The following COL6A6 variants were observed in gnomAD, a reference collection of about 807,000 sequenced individuals.
COL6A6 encodes the protein collagen type VI alpha 6 chain.
In COL6A6, 183 loss-of-function variants were observed where a neutral mutation model predicts 208.6. The observed-to-expected ratio is 0.88, with a 90% CI of 0.78 to 0.99. The LOEUF (loss-of-function observed/expected upper bound fraction) is 0.99. Among genes scored for constraint, COL6A6 ranks in the 50% least tolerant of loss-of-function variants. COL6A6 has a pLI of 0.00. For synonymous variants in COL6A6, 973 were observed against 1,011.8 expected, an observed-to-expected ratio of 0.96 and a Z score of 0.73; for missense variants, 2,816 against 2,815.2, an observed-to-expected ratio of 1.00 and a Z score of -0.01.
intron 1 of COL6A6, among the ~76,000 whole-genome samples, chr3:130,519,455 A>C (rs1710938940): frequency 6.6e-6 from 1 of 152,236 alleles, no homozygotes; most frequent in Non-Finnish European, 1.5e-5. Context: ...ATAAGTAGGA[A>C]GATTAGATTT....
At chr3:130,675,071 T>C (rs1350866538) in intron 36 of COL6A6, 131 bp from the exon 37 acceptor site, 2 of 596,882 alleles carry the variant, frequency 3.4e-6, no homozygotes, top group African/African-American at 3.7e-5. Context: ...AGTTTAATTT[T>C]AAAATTACCC....
rs765889688 is a variant in COL6A6, at chr3:130,574,453, C to T, written c.3475C>T (p.His1159Tyr). ...GACTGCAGAGAAAAAACTGACAGTGCACAACTTCGATGAACTGAAGAAGGT... is the reference window on the plus strand; with the variant it reads ...GACTGCAGAGAAAAAACTGACAGTGTACAACTTCGATGAACTGAAGAAGGT... ...TGTAEKKLTV[H>Y]NFDELKKVNK... Residue 1159 changes from histidine (H) to tyrosine (Y), a missense_variant, in exon 8 of 37, where the codon CAC becomes TAC. Transcript: ENST00000358511. 8 of 1,614,028 alleles carry T rather than the reference C, an allele frequency of 5.0e-6. No individual in the cohort carries two copies. The highest frequency in any genetic ancestry group is 5.9e-6 in the Non-Finnish European group (7 of 1,179,890).
intron 8 of COL6A6, among the ~76,000 whole-genome samples, chr3:130,579,396 G>T (rs951471802): frequency 6.6e-6 from 1 of 152,064 alleles, no homozygotes; most frequent in African/African-American, 2.4e-5. Context: ...GATAAGAGTT[G>T]CCAAAAGTAG....
intron 33 of COL6A6, among the ~76,000 whole-genome samples, chr3:130,651,244 G>A (rs1453915943): frequency 1.3e-5 from 2 of 151,968 alleles, no homozygotes; most frequent in East Asian, 1.9e-4. Flanking sequence ...TGGCCAACAT[G>A]GTGAAACCCC....
intron 32 of COL6A6, among the ~76,000 whole-genome samples, chr3:130,647,246 G>A (rs971662847): frequency 1.3e-5 from 2 of 152,040 alleles, no homozygotes; most frequent in African/African-American, 4.8e-5. Context: ...GGTTTTTAGG[G>A]CTTGTGTTTT....
At chr3:130,517,107 G>GCCGGGGCGGGGAAGGGTCGGGC (rs1235465401), upstream of COL6A6, among the ~76,000 whole-genome samples, 9 of 152,174 alleles carry the variant, frequency 5.9e-5, no homozygotes, top group Non-Finnish European at 1.2e-4. Flanking sequence ...GCCCGGGGCC[G>GCCGGGGCGGGGAAGGGTCGGGC]CCGGGGCGGG....
At chr3:130,574,571 T>C (rs186119975) in intron 8 of COL6A6, 46 bp downstream of exon 8, 320 of 1,478,032 alleles carry the variant, frequency 2.2e-4, no homozygotes, top group Non-Finnish European at 2.9e-4. Context: ...CACCATCTTC[T>C]CTGGCATTTT....
At chr3:130,592,864 T>G (rs1425608013) in intron 15 of COL6A6, 142 bp downstream of exon 15, 9 of 912,258 alleles carry the variant, frequency 9.9e-6, no homozygotes, top group Non-Finnish European at 1.5e-5. Context: ...ATTTTGTTTC[T>G]TCTTCTCTTT....
chr3:130,568,760 G>A (rs1466431250), intron 6 of COL6A6, among the ~76,000 whole-genome samples, 156 bp downstream of exon 6: 1 of 152,210 alleles, frequency 6.6e-6, no homozygotes, highest in Non-Finnish European at 1.5e-5. Flanking sequence ...TAAACAGACA[G>A]TGAGGAAGAG....
intron 28 of COL6A6, 55 bp from the exon 29 acceptor site, chr3:130,641,595 TAC>T (rs1271708308): frequency 3.5e-5 from 26 of 749,106 alleles, no homozygotes; most frequent in South Asian, 1.2e-4. Flanking sequence ...AATTTGAATT[TAC>T]ACACACACAT....
At chr3:130,579,463 C>T (rs575232883) in intron 8 of COL6A6, among the ~76,000 whole-genome samples, 2 of 152,242 alleles carry the variant, frequency 1.3e-5, no homozygotes, top group East Asian at 3.9e-4. Flanking sequence ...TCTGTCTTCC[C>T]ACTCACAGAC....
At position 130,599,794 on chromosome 3, in the gene COL6A6, G is replaced by T; in HGVS notation, c.4637G>T (p.Gly1546Val). ...RGWPGPPGTP[G>V]SRRKTAAHGR... ...TGGCCAGGCCCCCCCGGGACACCAG[G>T]CTCCAGAAGAAAGACAGTAAGAGCC... The change falls in exon 20 of 37, where the codon GGC becomes GTC. Residue 1546 changes from glycine to valine, a missense_variant. Physicochemically the swap from Gly to Val is moderately radical, Grantham distance 109 (BLOSUM62 -3). Coordinates refer to ENST00000358511, the MANE Select transcript of COL6A6 (RefSeq NM_001102608.3). 6.2e-7 allele frequency: 1 copy of T among 1,613,760 alleles called. No homozygotes were observed. Among genetic ancestry groups the T allele is most frequent in the African/African-American group, 1.3e-5 (1 of 75,032 alleles).
At chr3:130,561,178 A>G (rs1245171091) in intron 2 of COL6A6, among the ~76,000 whole-genome samples, 1 of 152,212 alleles carries the variant, frequency 6.6e-6, no homozygotes, top group African/African-American at 2.4e-5. Flanking sequence ...AGTCCGCCTT[A>G]TGTGCCACTC....
chr3:130,604,355 C>CT (rs1560055234), intron 20 of COL6A6, among the ~76,000 whole-genome samples: 1 of 152,004 alleles, frequency 6.6e-6, no homozygotes, highest in East Asian at 1.9e-4. Context: ...ATTAGCCGGG[C>CT]GTGGTGGCGG....
chr3:130,635,328 A>C (rs1475677656), intron 27 of COL6A6, among the ~76,000 whole-genome samples: 1 of 152,238 alleles, frequency 6.6e-6, no homozygotes, highest in African/African-American at 2.4e-5. Flanking sequence ...ATGTTTATAA[A>C]TCATCTTTAG....
At chr3:130,521,109 ACAT>A (rs1320657541) in intron 1 of COL6A6, among the ~76,000 whole-genome samples, 1 of 152,196 alleles carries the variant, frequency 6.6e-6, no homozygotes, top group East Asian at 1.9e-4. Flanking sequence ...AAGGATGTGA[ACAT>A]TGATTTGACT....
rs1334993360 is a variant in COL6A6, at chr3:130,563,243, C to T, written c.240C>T (p.His80=). The change falls in exon 3 of 37, where the codon CAC becomes CAT. Residue 80 remains histidine (H), a synonymous_variant. Coordinates refer to ENST00000358511, the MANE Select transcript of COL6A6 (RefSeq NM_001102608.3). ...GTGATAAACTTCACAGTGAATTCCA[C>T]CTGAGCACCTTCAAAGGCAGGAGCC... is the stretch of plus-strand genomic sequence containing the variant. The part of the protein sequence containing the change: ...QYSDKLHSEF[H]LSTFKGRSPM... 1 of 1,614,042 alleles carries T rather than the reference C, an allele frequency of 6.2e-7. No homozygotes were observed. The highest frequency in any genetic ancestry group is 1.1e-5 in the South Asian group (1 of 91,084).
intron 36 of COL6A6, among the ~76,000 whole-genome samples, chr3:130,672,647 A>G (rs1265989661): frequency 6.6e-6 from 1 of 151,692 alleles, no homozygotes; most frequent in Non-Finnish European, 1.5e-5. Flanking sequence ...CAAGTGATCC[A>G]ACTGCCTCAG....
chr3:130,565,537 C>T lies in COL6A6; in HGVS notation c.1205C>T (p.Thr402Ile), dbSNP rs774243865. Residue 402 changes from threonine to isoleucine, a missense_variant, in exon 4 of 37, where the codon ACA becomes ATA. Coordinates refer to ENST00000358511, the MANE Select transcript of COL6A6 (RefSeq NM_001102608.3). ...GCTGACCTGGCTGCTCACAACCAGA[C>T]ATTTCTGAAGAAGCTGCGGAACCAA... is the stretch of plus-strand genomic sequence containing the variant. Reference protein sequence around the residue: ...TFADLAAHNQTFLKKLRNQIT... With the variant: ...TFADLAAHNQIFLKKLRNQIT... 8 of 1,613,952 alleles carry T rather than the reference C, an allele frequency of 5.0e-6. No homozygotes were observed. The East Asian group carries it at 1.8e-4, about 36-fold the overall frequency.
Sources: allele counts gnomAD v4.1 joint callset (sites outside exome capture counted in the v4.1 genomes callset), GRCh38; gene constraint gnomAD v4.1.1; transcripts MANE v1.5; gene names NCBI Gene and HGNC (gene_info 2026-07-23, HGNC 2026-07-21).